Variants in CDC14B observed in about 807,000 individuals in gnomAD.
CDC14B encodes the protein dual specificity protein phosphatase CDC14B.
Under a neutral mutation model 64.2 loss-of-function variants are expected in CDC14B, and 22 were observed. The observed-to-expected ratio is 0.34, with a 90% CI of 0.24 to 0.49. CDC14B has a LOEUF of 0.49. Ranked by LOEUF, CDC14B falls within the 20% of genes least tolerant of loss-of-function variation. The pLI is 0.99. For missense variants in CDC14B, 498 were observed against 629.9 expected (o/e 0.79, Z 2.24); for synonymous variants, 191 against 215.8 (o/e 0.89, Z 1.01).
chr9:96,577,717 G>GACAGTATT (rs1844896363), intron 1 of CDC14B, among the ~76,000 whole-genome samples: 1 of 152,150 alleles, frequency 6.6e-6, no homozygotes, highest in African/African-American at 2.4e-5. Flanking sequence ...TTAGAAAGCT[G>GACAGTATT]ACAGTATTTA....
At chr9:96,494,712 T>C (rs3073751) in intron 13 of CDC14B, among the ~76,000 whole-genome samples, 35 of 141,376 alleles carry the variant, frequency 2.5e-4, no homozygotes, top group Admixed American at 1.4e-4. Flanking sequence ...TTTCTTTCTT[T>C]CTTCCTTTCC....
intron 1 of CDC14B, among the ~76,000 whole-genome samples, chr9:96,604,916 C>A (rs577051430): frequency 6.6e-6 from 1 of 152,026 alleles, no homozygotes; most frequent in East Asian, 1.9e-4. Context: ...GTGATCTACC[C>A]GCCTCTGCCT....
intron 1 of CDC14B, among the ~76,000 whole-genome samples, chr9:96,588,606 C>T (rs1320053164): frequency 6.6e-6 from 1 of 152,076 alleles, no homozygotes; most frequent in African/African-American, 2.4e-5. Context: ...CCCACCTGAG[C>T]CTCCCAAGTT....
At chr9:96,510,108 G>A (rs1455477296) in intron 12 of CDC14B, among the ~76,000 whole-genome samples, 1 of 152,176 alleles carries the variant, frequency 6.6e-6, no homozygotes, top group Non-Finnish European at 1.5e-5. Flanking sequence ...AACAAAAGTA[G>A]AAGTAGCTTC....
intron 1 of CDC14B, among the ~76,000 whole-genome samples, chr9:96,576,770 C>T (rs1338729564): frequency 1.3e-5 from 2 of 150,912 alleles, no homozygotes; most frequent in East Asian, 1.9e-4. Flanking sequence ...AGACTAAACA[C>T]ACTTCAAAAA....
rs1837057472 is a variant in CDC14B, at chr9:96,523,415, T to C, written c.1091A>G (p.Gln364Arg). Residue 364 changes from glutamine (Q) to arginine (R), a missense_variant, in exon 11 of 14, where the codon CAA becomes CGA. Gln to Arg is a conservative substitution (Grantham distance 43). Transcript: ENST00000375241. ...GTCCCCTTCCAGCCAGAGGTTGGTT[T>C]GCTTCCTAGAGCATTTAAATAACAT... ...GPQQQFLVMK[Q>R]TNLWLEGDYF... 3 of 1,613,962 alleles carry C rather than the reference T, an allele frequency of 1.9e-6. No homozygotes were observed. The highest frequency in any genetic ancestry group is 2.5e-6 in the Non-Finnish European group (3 of 1,179,960).
chr9:96,580,468 T>G (rs1314942847), intron 1 of CDC14B, among the ~76,000 whole-genome samples: 2 of 152,164 alleles, frequency 1.3e-5, no homozygotes, highest in Admixed American at 6.5e-5. Flanking sequence ...CCACCTCAGG[T>G]GATCTGCCCA....
chr9:96,574,709 A>G (rs1844695825), intron 1 of CDC14B, among the ~76,000 whole-genome samples: 1 of 151,254 alleles, frequency 6.6e-6, no homozygotes, highest in Admixed American at 6.6e-5. Flanking sequence ...AAAAAAAAAA[A>G]AAAAAAAAAA....
At chr9:96,569,877 C>A (rs1400342352) in intron 1 of CDC14B, among the ~76,000 whole-genome samples, 1 of 152,050 alleles carries the variant, frequency 6.6e-6, no homozygotes, top group Non-Finnish European at 1.5e-5. Flanking sequence ...CATGAGCCAC[C>A]GCGCCTGGCC....
intron 9 of CDC14B, among the ~76,000 whole-genome samples, chr9:96,531,342 T>C (rs1168680822): frequency 6.6e-6 from 1 of 152,190 alleles, no homozygotes; most frequent in African/African-American, 2.4e-5. Context: ...AGATTTTCTA[T>C]TTCTTTATGA....
intron 1 of CDC14B, among the ~76,000 whole-genome samples, chr9:96,593,744 T>C (rs1845910447): frequency 6.6e-6 from 1 of 152,136 alleles, no homozygotes; most frequent in Non-Finnish European, 1.5e-5. Context: ...AAAAGGCCTC[T>C]GTTACTAAAA....
rs1844078167 is a variant in CDC14B at position 96,566,904 on chromosome 9, A to G, written c.161-1421T>C. 3 of 1,547,454 alleles carry G rather than the reference A, an allele frequency of 1.9e-6. No individual in the cohort carries two copies. In the East Asian group the frequency reaches 7.3e-5, roughly 38 times the overall value. ...GCCGCGACCACACCCCCGAAGTTTA[A>G]AAAACAAAGTTTAAAGGGCCGCGCG... On this transcript the variant is annotated intron_variant, in intron 1 of 13. Transcript: ENST00000375241.
At chr9:96,567,528 T>C (rs1246710714) in intron 1 of CDC14B, among the ~76,000 whole-genome samples, 1 of 152,258 alleles carries the variant, frequency 6.6e-6, no homozygotes, top group Non-Finnish European at 1.5e-5. Flanking sequence ...ACGCTTTTAA[T>C]TGTGCAAGAT....
At chr9:96,540,800 AC>A (rs925040962) in intron 6 of CDC14B, among the ~76,000 whole-genome samples, 2 of 151,972 alleles carry the variant, frequency 1.3e-5, no homozygotes, top group African/African-American at 2.4e-5. Flanking sequence ...CCTGATTTCC[AC>A]CAGTGCCCCA....
chr9:96,575,420 T>C (rs1844743487), intron 1 of CDC14B, among the ~76,000 whole-genome samples: 1 of 152,162 alleles, frequency 6.6e-6, no homozygotes, highest in South Asian at 2.1e-4. Context: ...TCCCCCAACA[T>C]TGTTAGTCTC....
chr9:96,570,365 G>T lies in CDC14B; in HGVS notation c.161-4882C>A, dbSNP rs562764554. ...ATTTGAAGAACCCTATTTGGACCTAGAGACACTTTGTATTTCCCCCTTGAA... is the reference window on the plus strand; with the variant it reads ...ATTTGAAGAACCCTATTTGGACCTATAGACACTTTGTATTTCCCCCTTGAA... On this transcript the variant is annotated intron_variant, in intron 1 of 13. Coordinates refer to ENST00000375241, the MANE Select transcript of CDC14B (RefSeq NM_033331.4). 3.9e-5 allele frequency among the ~76,000 whole-genome samples: 6 copies of T among 152,318 alleles called. No individual in the cohort carries two copies. In the South Asian group the frequency reaches 8.3e-4, roughly 21 times the overall value.
intron 1 of CDC14B, among the ~76,000 whole-genome samples, chr9:96,578,335 C>T (rs970064035): frequency 1.3e-5 from 2 of 152,220 alleles, no homozygotes; most frequent in African/African-American, 4.8e-5. Context: ...CTTAACCCCT[C>T]CTTAGTCCCC....
chr9:96,589,754 C>T (rs767162142), intron 1 of CDC14B, among the ~76,000 whole-genome samples: 52 of 151,906 alleles, frequency 3.4e-4, no homozygotes, highest in Admixed American at 7.2e-4. Flanking sequence ...GTCAGGAGAT[C>T]GAGACCATCC....
At chr9:96,527,028 T>C (rs182087861) in intron 9 of CDC14B, among the ~76,000 whole-genome samples, 1 of 152,274 alleles carries the variant, frequency 6.6e-6, no homozygotes, top group Non-Finnish European at 1.5e-5. Flanking sequence ...TTACCATTTT[T>C]CTTCAGGCAT....
Sources: allele counts gnomAD v4.1 joint callset (sites outside exome capture counted in the v4.1 genomes callset), GRCh38; gene constraint gnomAD v4.1.1; transcripts MANE v1.5; gene names NCBI Gene and HGNC (gene_info 2026-07-23, HGNC 2026-07-21).